The following CAMK2G variants were observed in gnomAD, a reference collection of about 807,000 sequenced individuals.
The protein encoded by CAMK2G is calcium/calmodulin-dependent protein kinase type II subunit gamma.
Under a neutral mutation model 88.7 loss-of-function variants are expected in CAMK2G, and 23 were observed. That is an observed-to-expected ratio of 0.26 (90% CI 0.19 to 0.37). The LOEUF (loss-of-function observed/expected upper bound fraction) is 0.37. Ranked by LOEUF, CAMK2G falls within the 10% of genes least tolerant of loss-of-function variation. CAMK2G has a pLI of 1.00. For synonymous variants in CAMK2G, 263 were observed against 294.8 expected (o/e 0.89, Z 1.11); for missense variants, 476 against 780.8 (o/e 0.61, Z 4.65).
chr10:73,860,381 G>A lies in CAMK2G; in HGVS notation c.220+449C>T, dbSNP rs139754761. 3.3e-3 allele frequency among the ~76,000 whole-genome samples: 503 copies of A among 152,250 alleles called. 4 individuals carry two copies. Among genetic ancestry groups the A allele is most frequent in the African/African-American group, 0.012 (482 of 41,540 alleles). Reference sequence around the variant, plus strand: ...TTCCTGGCTCTGGGGAATACAAATGGGAGCACCATGGAAACCCCCAGAGTG... The same window carrying A: ...TTCCTGGCTCTGGGGAATACAAATGAGAGCACCATGGAAACCCCCAGAGTG... On this transcript the variant is annotated intron_variant, in intron 3 of 22. Transcript: ENST00000423381.
At position 73,868,334 on chromosome 10, in the gene CAMK2G, T is replaced by C. The variant is rs541116193; in HGVS notation, c.160+4655A>G. Among the ~76,000 whole-genome samples the C allele has an allele frequency of 2.0e-5, 3 of 152,202 alleles. No individual in the cohort carries two copies. In the South Asian group the frequency reaches 6.2e-4, roughly 32 times the overall value. ...CCTTCCCACCTCCATCCCCACACCA[T>C]GATGCAGCACCCCAAGTCACTCTAG... On this transcript the variant is annotated intron_variant, in intron 2 of 22. Transcript: ENST00000423381.
At chr10:73,857,028 G>C (rs746477947) in intron 3 of CAMK2G, among the ~76,000 whole-genome samples, 2 of 152,226 alleles carry the variant, frequency 1.3e-5, no homozygotes, top group Non-Finnish European at 2.9e-5. Context: ...GGGCTTGTGG[G>C]GGACTGAGCT....
At chr10:73,859,717 C>A (rs1283750812) in intron 3 of CAMK2G, among the ~76,000 whole-genome samples, 1 of 152,252 alleles carries the variant, frequency 6.6e-6, no homozygotes, top group Non-Finnish European at 1.5e-5. Flanking sequence ...TGCTGATTGC[C>A]ATCTAGAAAG....
intron 16 of CAMK2G, 112 bp downstream of exon 16, chr10:73,825,167 G>T: frequency 1.2e-6 from 1 of 803,114 alleles, no homozygotes. Flanking sequence ...AGTTCTATGG[G>T]GACCAAGAAA....
At chr10:73,831,757 G>A (rs1246569607) in intron 14 of CAMK2G, among the ~76,000 whole-genome samples, 5 of 151,680 alleles carry the variant, frequency 3.3e-5, no homozygotes, top group African/African-American at 1.2e-4. Context: ...CTACTCAGGA[G>A]GCTGAGGTGG....
chr10:73,858,623 C>G (rs1301102912), intron 3 of CAMK2G, among the ~76,000 whole-genome samples: 1 of 152,146 alleles, frequency 6.6e-6, no homozygotes, highest in East Asian at 1.9e-4. Context: ...AAGCACAGTT[C>G]TAGGAAATCA....
intron 3 of CAMK2G, among the ~76,000 whole-genome samples, chr10:73,855,624 T>C (rs756510124): frequency 6.6e-6 from 1 of 151,664 alleles, no homozygotes; most frequent in Non-Finnish European, 1.5e-5. Context: ...TGCCTAGACA[T>C]GGAGTCATTG....
chr10:73,832,162 T>A (rs1324590428), intron 14 of CAMK2G, among the ~76,000 whole-genome samples: 11 of 152,176 alleles, frequency 7.2e-5, no homozygotes, highest in Admixed American at 7.2e-4. Context: ...AAAAAAAGTT[T>A]CTCAAATTCC....
chr10:73,828,177 A>C, intron 14 of CAMK2G, 56 bp from the exon 15 acceptor site: 1 of 1,456,548 alleles, frequency 6.9e-7, no homozygotes, highest in Non-Finnish European at 9.6e-7. Flanking sequence ...TAAGAAGAGA[A>C]GCACAGAGAC....
intron 12 of CAMK2G, among the ~76,000 whole-genome samples, chr10:73,840,332 A>G (rs942999304): frequency 6.6e-6 from 1 of 152,252 alleles, no homozygotes; most frequent in Non-Finnish European, 1.5e-5. Flanking sequence ...CCAAACTGCT[A>G]GAGTCCAGGA....
Position 73,839,060 on chromosome 10 carries a change from A to C in CAMK2G, c.1009+479T>G, listed in dbSNP as rs537527520. ...TGGCAGGGCTAGGATGTGAACCCAGAAACAGCTGGCTCTGAGGCTTCTGCA... is the reference window on the plus strand; with the variant it reads ...TGGCAGGGCTAGGATGTGAACCCAGCAACAGCTGGCTCTGAGGCTTCTGCA... On this transcript the variant is annotated intron_variant, in intron 13 of 22. Coordinates refer to ENST00000423381, the MANE Select transcript of CAMK2G (RefSeq NM_001367534.1). This position sits in a 1 kb window ranked among gnomAD's most constrained non-coding sequence, Gnocchi z 4.2. Among the ~76,000 whole-genome samples the C allele has an allele frequency of 6.6e-4, 100 of 152,190 alleles. No homozygotes were observed. Among genetic ancestry groups the C allele is most frequent in the Non-Finnish European group, 1.1e-3 (72 of 68,034 alleles).
chr10:73,829,322 T>C (rs1303350836), intron 14 of CAMK2G, among the ~76,000 whole-genome samples: 1 of 149,534 alleles, frequency 6.7e-6, no homozygotes, highest in Non-Finnish European at 1.5e-5. Flanking sequence ...TTTTAGGGAG[T>C]CTCACTCTGT....
At chr10:73,849,173 T>C in intron 6 of CAMK2G, 58 bp from the exon 7 acceptor site, 1 of 1,574,408 alleles carries the variant, frequency 6.4e-7, no homozygotes, top group East Asian at 2.2e-5. Context: ...AGAGGAAGCC[T>C]AGTTTGGGCC....
Position 73,839,662 on chromosome 10 carries a change from G to A in CAMK2G, c.947-61C>T, listed in dbSNP as rs78340748. ...GCAAAGCCACGGGGCCGTCAGCAGC[G>A]AGCATGCCCCAGCGCGAGGCGCAGC... On this transcript the variant is annotated intron_variant, in intron 12 of 22. Transcript: ENST00000423381. The surrounding 1 kb of genome is among the most constrained non-coding windows in gnomAD (Gnocchi z 4.2). 1.6e-5 allele frequency: 17 copies of A among 1,045,672 alleles called. No homozygotes were observed. Among genetic ancestry groups the A allele is most frequent in the East Asian group, 6.5e-5 (2 of 30,682 alleles). 64.8% of individuals were successfully genotyped at this position (1,045,672 alleles called of 1,614,324 possible).
rs752124739 is a variant in CAMK2G at position 73,842,715 on chromosome 10, C to T, written c.820-174G>A. Among the ~76,000 whole-genome samples, 6 of 152,138 alleles carry T rather than the reference C, an allele frequency of 3.9e-5. No individual in the cohort carries two copies. The highest frequency in any genetic ancestry group is 7.2e-5 in the African/African-American group (3 of 41,434). On this transcript the variant is annotated intron_variant, in intron 10 of 22. Coordinates refer to ENST00000423381, the MANE Select transcript of CAMK2G (RefSeq NM_001367534.1). This position sits in a 1 kb window ranked among gnomAD's most constrained non-coding sequence, Gnocchi z 4.6. ...ACGCTTTTAGAATAAAAGCACTACC[C>T]GAAACTCAAGGTTACATAAGGACAA...
At chr10:73,858,908 T>C (rs2095233550) in intron 3 of CAMK2G, among the ~76,000 whole-genome samples, 2 of 152,320 alleles carry the variant, frequency 1.3e-5, no homozygotes, top group South Asian at 4.1e-4. Context: ...GGCCAACCCA[T>C]CCGTGGTCAA....
chr10:73,848,887 C>T lies in CAMK2G; in HGVS notation c.517+126G>A, dbSNP rs553943925. The T allele has an allele frequency of 1.2e-4, 87 of 753,722 alleles. No homozygotes were observed. The highest frequency in any genetic ancestry group is 8.7e-4 in the African/African-American group (51 of 58,468). 46.7% of individuals were successfully genotyped at this position (753,722 alleles called of 1,614,324 possible). On this transcript the variant is annotated intron_variant, in intron 7 of 22. Transcript: ENST00000423381. The surrounding 1 kb of genome is among the most constrained non-coding windows in gnomAD (Gnocchi z 4.5). Reference sequence around the variant, plus strand: ...TAGACTTACTGTACTGAGTCGCGTACGGCCAAGAGAGATCTCGGAGGCCAG... The same window carrying T: ...TAGACTTACTGTACTGAGTCGCGTATGGCCAAGAGAGATCTCGGAGGCCAG...
At chr10:73,855,406 G>A (rs1355611605) in intron 3 of CAMK2G, among the ~76,000 whole-genome samples, 1 of 152,254 alleles carries the variant, frequency 6.6e-6, no homozygotes, top group Non-Finnish European at 1.5e-5. Flanking sequence ...GCAGCAGCAT[G>A]GGGAATTAAC....
rs529313778 is a variant in CAMK2G at position 73,845,298 on chromosome 10, C to T, written c.819+1927G>A. Reference sequence around the variant, plus strand: ...GCAGGCACAAAATGAAAACCATCATCTTGGCCGGGCGCAGTGGCTCATGCC... The same window carrying T: ...GCAGGCACAAAATGAAAACCATCATTTTGGCCGGGCGCAGTGGCTCATGCC... On this transcript the variant is annotated intron_variant, in intron 10 of 22. Transcript: ENST00000423381. 7.9e-5 allele frequency among the ~76,000 whole-genome samples: 12 copies of T among 152,266 alleles called. No homozygotes were observed. In the South Asian group the frequency reaches 2.5e-3, roughly 32 times the overall value.
Sources: allele counts gnomAD v4.1 joint callset (sites outside exome capture counted in the v4.1 genomes callset), GRCh38; gene constraint gnomAD v4.1.1; non-coding constraint Gnocchi (gnomAD v3.1); transcripts MANE v1.5; gene names NCBI Gene and HGNC (gene_info 2026-07-23, HGNC 2026-07-21).